Variants in ARMC12 observed in about 807,000 individuals in gnomAD.
The protein encoded by ARMC12 is armadillo repeat containing 12, also known as armadillo repeat-containing protein 12.
A neutral mutation model predicts 37.4 loss-of-function variants in ARMC12; 25 were observed. That is an observed-to-expected ratio of 0.67 (90% CI 0.49 to 0.93). ARMC12 has a LOEUF of 0.93. ARMC12 is among the 40% of genes least tolerant of loss of function. ARMC12 has a pLI of 0.00. For synonymous variants in ARMC12, 167 were observed against 176.1 expected (o/e 0.95, Z 0.41); for missense variants, 384 against 426.6 (o/e 0.90, Z 0.88).
At chr6:35,732,441 C>G (rs1004056091), upstream of ARMC12, among the ~76,000 whole-genome samples, 2 of 152,210 alleles carry the variant, frequency 1.3e-5, no homozygotes, top group African/African-American at 4.8e-5. Flanking sequence ...GAGGAGGAAA[C>G]AGACTCAGAT....
rs146071510 is a variant in ARMC12 at position 35,740,296 on chromosome 6, C to T, written c.444+1778C>T. On this transcript the variant is annotated intron_variant, in intron 3 of 5. Transcript: ENST00000373866. The stretch of plus-strand genomic sequence containing the variant: ...ATCCACACCCATCCTCCCTGCTTTC[C>T]TGCTGCTGCCATGAAAAAAATGGCT... Among the ~76,000 whole-genome samples the T allele has an allele frequency of 1.9e-3, 283 of 152,188 alleles. 3 individuals carry two copies. Among genetic ancestry groups the T allele is most frequent in the African/African-American group, 6.5e-3 (268 of 41,514 alleles).
chr6:35,732,100 G>C (rs977924210), upstream of ARMC12, among the ~76,000 whole-genome samples: 3 of 152,178 alleles, frequency 2.0e-5, no homozygotes, highest in Non-Finnish European at 4.4e-5. Context: ...GGAGGCCCGG[G>C]ACGGGGAAAG....
At chr6:35,738,287 G>GGT (rs1554141439) in intron 2 of ARMC12, 97 bp from the exon 3 acceptor site, 38 of 1,015,788 alleles carry the variant, frequency 3.7e-5, no homozygotes, top group Middle Eastern at 3.5e-4. Context: ...TGATAGCGGT[G>GGT]GGGGGGGGGT....
chr6:35,736,884 A>T (rs375527255), upstream of ARMC12: 6 of 626,050 alleles, frequency 9.6e-6, no homozygotes, highest in Non-Finnish European at 1.6e-5. Flanking sequence ...TGCTGGGATT[A>T]CAAGTGTGGG....
At chr6:35,739,170 C>T (rs541116697) in intron 3 of ARMC12, among the ~76,000 whole-genome samples, 75 of 152,286 alleles carry the variant, frequency 4.9e-4, no homozygotes, top group African/African-American at 1.6e-3. Context: ...GCTGCTATTG[C>T]TCCTGGCCCA....
chr6:35,741,133 C>A (rs569863119), intron 3 of ARMC12, among the ~76,000 whole-genome samples: 1 of 152,072 alleles, frequency 6.6e-6, no homozygotes, highest in African/African-American at 2.4e-5. Flanking sequence ...TCTCTTTCAC[C>A]GCTCTGTGGT....
intron 3 of ARMC12, 95 bp from the exon 4 acceptor site, chr6:35,747,166 G>C: frequency 7.0e-7 from 1 of 1,420,048 alleles, no homozygotes; most frequent in African/African-American, 1.4e-5. Flanking sequence ...GTTTGGCCCA[G>C]GGGACATCCA....
In ARMC12 at chr6:35,748,821, G is replaced by T; in HGVS notation, c.974G>T (p.Arg325Leu). The T allele has an allele frequency of 6.2e-7, 1 of 1,613,828 alleles. No individual in the cohort carries two copies. The highest frequency in any genetic ancestry group is 1.3e-5 in the African/African-American group (1 of 75,008). Residue 325 changes from arginine (R) to leucine (L), a missense_variant, in exon 6 of 6, where the codon CGG becomes CTG. Physicochemically the swap from Arg to Leu is moderately radical, Grantham distance 102. Transcript: ENST00000373866. Reference sequence around the variant, plus strand: ...CAGTATCCCCAGGACTTGAGAGCCCGGCCCTCCTCCTGCCAGCCCAGTCGT... The same window carrying T: ...CAGTATCCCCAGGACTTGAGAGCCCTGCCCTCCTCCTGCCAGCCCAGTCGT... ...SLQYPQDLRA[R>L]PSSCQPSRSY...
At chr6:35,746,883 G>A (rs1009840943) in intron 3 of ARMC12, among the ~76,000 whole-genome samples, 3 of 151,906 alleles carry the variant, frequency 2.0e-5, no homozygotes, top group African/African-American at 7.3e-5. Flanking sequence ...ATTGGTAGCT[G>A]CATATATGAG....
Position 35,748,724 on chromosome 6 carries a change from C to A in ARMC12, c.877C>A (p.Arg293=), listed in dbSNP as rs773779105. 3.7e-6 allele frequency: 6 copies of A among 1,614,162 alleles called. No individual in the cohort carries two copies. In the East Asian group the frequency reaches 1.3e-4, roughly 36 times the overall value. ...LFGEESRLAD[R]LLALVIHPEE... ...TGGGGAAGAGTCCCGACTGGCAGACCGACTACTTGCCCTGGTCATCCACCC... is the reference window on the plus strand; with the variant it reads ...TGGGGAAGAGTCCCGACTGGCAGACAGACTACTTGCCCTGGTCATCCACCC... The change falls in exon 6 of 6, where the codon CGA becomes AGA. Residue 293 remains arginine (R), a synonymous_variant. Coordinates refer to ENST00000373866, the MANE Select transcript of ARMC12 (RefSeq NM_001286574.2).
chr6:35,738,281 A>AG lies in ARMC12; in HGVS notation c.310-102dup. 1.4e-5 allele frequency: 7 copies of AG among 485,710 alleles called. No individual in the cohort carries two copies. In the Admixed American group the frequency reaches 1.5e-4, roughly 10 times the overall value. 30.1% of individuals were successfully genotyped at this position (485,710 alleles called of 1,614,324 possible). The stretch of plus-strand genomic sequence containing the variant: ...ATCCTGGGACCTCTCTCTGGCTGAT[A>AG]GCGGTGGGGGGGGGGTGTGCGGAGG... On this transcript the variant is annotated intron_variant, in intron 2 of 5. Coordinates refer to ENST00000373866, the MANE Select transcript of ARMC12 (RefSeq NM_001286574.2).
At position 35,748,838 on chromosome 6, in the gene ARMC12, C is replaced by A; in HGVS notation, c.991C>A (p.Pro331Thr). ...DLRARPSSCQPSRSYFKNTE is the reference protein window; with the variant it reads ...DLRARPSSCQTSRSYFKNTE ...GAGAGCCCGGCCCTCCTCCTGCCAG[C>A]CCAGTCGTTCCTACTTTAAAAACAC... The change falls in exon 6 of 6, where the codon CCC becomes ACC. Residue 331 changes from proline (P) to threonine (T), a missense_variant. Transcript: ENST00000373866. 6.2e-7 allele frequency: 1 copy of A among 1,612,538 alleles called. No homozygotes were observed.
chr6:35,745,673 G>A (rs113308953), intron 3 of ARMC12, among the ~76,000 whole-genome samples: 89 of 152,302 alleles, frequency 5.8e-4, no homozygotes, highest in African/African-American at 1.7e-3. Flanking sequence ...TGCAAGATGT[G>A]ACCATTGAGG....
chr6:35,748,949 C>T lies in ARMC12; in HGVS notation c.*79C>T. Reference sequence around the variant, plus strand: ...GCTCGAATGTCTGTTGGTGGCCTTCCAGGGCTGGGTGGAGATTTCATTCAG... The same window carrying T: ...GCTCGAATGTCTGTTGGTGGCCTTCTAGGGCTGGGTGGAGATTTCATTCAG... On this transcript the variant is annotated 3_prime_UTR_variant, in exon 6 of 6. Transcript: ENST00000373866. 1 of 1,412,486 alleles carries T rather than the reference C, an allele frequency of 7.1e-7. No individual in the cohort carries two copies. Among genetic ancestry groups the T allele is most frequent in the South Asian group, 1.4e-5 (1 of 71,436 alleles). The allele number at this position is 1,412,486 out of a possible 1,614,324, so 87.5% of individuals were successfully genotyped here. A position where few individuals can be genotyped will look rare whatever the true frequency, so the allele number is the denominator to read the frequency against.
chr6:35,732,226 G>A (rs1766851520), upstream of ARMC12, among the ~76,000 whole-genome samples: 1 of 152,234 alleles, frequency 6.6e-6, no homozygotes, highest in Non-Finnish European at 1.5e-5. Context: ...CTGGGCAGGA[G>A]TAAGCGCTAG....
At chr6:35,739,109 T>C (rs944624879) in intron 3 of ARMC12, among the ~76,000 whole-genome samples, 2 of 152,110 alleles carry the variant, frequency 1.3e-5, no homozygotes, top group Non-Finnish European at 2.9e-5. Context: ...TAGGGCAGGG[T>C]GTCAGGGCGC....
chr6:35,748,526 T>C lies in ARMC12; in HGVS notation c.691-12T>C. On this transcript the variant is annotated splice_polypyrimidine_tract_variant and intron_variant, in intron 5 of 5. Transcript: ENST00000373866. ...GGAGTTTATTCCCATTCTTTCTCTATTCCCATCACAGGTTCACTCCAACTT... is the reference window on the plus strand; with the variant it reads ...GGAGTTTATTCCCATTCTTTCTCTACTCCCATCACAGGTTCACTCCAACTT... 6.8e-7 allele frequency: 1 copy of C among 1,470,070 alleles called. No homozygotes were observed. Among genetic ancestry groups the C allele is most frequent in the Non-Finnish European group, 9.0e-7 (1 of 1,107,958 alleles). The allele number at this position is 1,470,070 out of a possible 1,614,324, so 91.1% of individuals were successfully genotyped here. A position where few individuals can be genotyped will look rare whatever the true frequency, so the allele number is the denominator to read the frequency against.
At chr6:35,735,548 T>A (rs1766938728), upstream of ARMC12, among the ~76,000 whole-genome samples, 1 of 152,178 alleles carries the variant, frequency 6.6e-6, no homozygotes, top group Admixed American at 6.6e-5. This position sits in a 1 kb window ranked among gnomAD's most constrained non-coding sequence, Gnocchi z 4.0. Flanking sequence ...CCTTCCATCC[T>A]GGGTGCAGCC....
intron 3 of ARMC12, among the ~76,000 whole-genome samples, chr6:35,746,038 G>C (rs948111694): frequency 6.7e-6 from 1 of 149,226 alleles, no homozygotes; most frequent in East Asian, 1.9e-4. Context: ...AGAGTGAGAC[G>C]GTCTCCAATA....
Sources: allele counts gnomAD v4.1 joint callset (sites outside exome capture counted in the v4.1 genomes callset), GRCh38; gene constraint gnomAD v4.1.1; non-coding constraint Gnocchi (gnomAD v3.1); transcripts MANE v1.5; gene names NCBI Gene and HGNC (gene_info 2026-07-23, HGNC 2026-07-21).